PUS1: variants seen among roughly 807,000 people sequenced by gnomAD.
PUS1 encodes the protein pseudouridylate synthase 1 homolog.
Under a neutral mutation model 38.5 loss-of-function variants are expected in PUS1, and 25 were observed. The ratio of observed to expected loss-of-function variants is 0.65; its 90% CI spans 0.47 to 0.91. PUS1 has a LOEUF of 0.91. Ranked by LOEUF, PUS1 falls within the 40% of genes least tolerant of loss-of-function variation. The pLI is 0.00. For synonymous variants in PUS1, 282 were observed against 260.4 expected (o/e 1.08, Z -0.80); for missense variants, 597 against 612.3 (o/e 0.97, Z 0.26).
intron 4 of PUS1, 46 bp downstream of exon 4, chr12:131,939,321 C>T: frequency 1.7e-6 from 2 of 1,209,886 alleles, no homozygotes; most frequent in Non-Finnish European, 2.4e-6. Flanking sequence ...TGTAGATGGT[C>T]TTGCAGAGAC....
At chr12:131,932,138 G>A in intron 2 of PUS1, 37 bp from the exon 3 acceptor site, 3 of 1,603,820 alleles carry the variant, frequency 1.9e-6, no homozygotes, top group Non-Finnish European at 2.6e-6. Flanking sequence ...ACCTCTGTCT[G>A]CAAAATATAA....
intron 3 of PUS1, among the ~76,000 whole-genome samples, chr12:131,938,336 T>C (rs1032294557): frequency 6.6e-6 from 1 of 152,070 alleles, no homozygotes; most frequent in African/African-American, 2.4e-5. Context: ...TCTCAGCTAC[T>C]TGGGAGGCTG....
chr12:131,944,653 G>C lies in PUS1; in HGVS notation c.*1067G>C, dbSNP rs535945431. The C allele has an allele frequency of 3.9e-5, 6 of 152,706 alleles. No individual in the cohort carries two copies. The East Asian group carries it at 7.7e-4, about 20-fold the overall frequency. The allele number at this position is 152,706 out of a possible 1,614,324, so 9.5% of individuals were successfully genotyped here. On this transcript the variant is annotated 3_prime_UTR_variant, in exon 6 of 6. Transcript: ENST00000376649. Reference sequence around the variant, plus strand: ...TGGCAGCCACGGGCTCCTCTTCCTAGACAGCCCCATGCGTGCAGCCTTTGC... The same window carrying C: ...TGGCAGCCACGGGCTCCTCTTCCTACACAGCCCCATGCGTGCAGCCTTTGC...
chr12:131,937,104 C>T (rs1361657337), intron 3 of PUS1, among the ~76,000 whole-genome samples: 1 of 152,186 alleles, frequency 6.6e-6, no homozygotes, highest in Non-Finnish European at 1.5e-5. Context: ...TACCTAAAGT[C>T]ATCTTGTTTC....
In PUS1 at chr12:131,929,357, A is replaced by G. The variant is rs1890469567; in HGVS notation, c.-366A>G. 1 of 254,552 alleles carries G rather than the reference A, an allele frequency of 3.9e-6. No homozygotes were observed. 15.8% of individuals were successfully genotyped at this position (254,552 alleles called of 1,614,324 possible). On this transcript the variant is annotated 5_prime_UTR_variant, in exon 1 of 6. Coordinates refer to ENST00000376649, the MANE Select transcript of PUS1 (RefSeq NM_025215.6). ...GCCCGGGTCTCCTCGACTCCTGAGG[A>G]AAGCCCACCGGGCGGGGCGGGAGGT...
At chr12:131,930,565 C>T (rs935336854) in intron 2 of PUS1, among the ~76,000 whole-genome samples, 2 of 152,222 alleles carry the variant, frequency 1.3e-5, no homozygotes, top group Non-Finnish European at 2.9e-5. Flanking sequence ...TGAGGATTCT[C>T]TCCTCAGCCC....
intron 3 of PUS1, chr12:131,932,585 G>A: frequency 1.8e-6 from 1 of 560,214 alleles, no homozygotes; most frequent in Non-Finnish European, 3.2e-6. Context: ...CATTCTTGCA[G>A]GTGGCACAGT....
rs1890463608 is a variant in PUS1, at chr12:131,929,283, C to A, written c.-440C>A. 1.1e-5 allele frequency: 2 copies of A among 174,708 alleles called. 1 individual carries two copies. The highest frequency in any genetic ancestry group is 3.0e-4 in the East Asian group (2 of 6,614). The allele number at this position is 174,708 out of a possible 1,614,324, so 10.8% of individuals were successfully genotyped here. A position where few individuals can be genotyped will look rare whatever the true frequency, so the allele number is the denominator to read the frequency against. ...GTGGTCCGGCTCCGGCTCAGTCAGC[C>A]GCGTCGCGAATGGGGCAGGAGCGAG... On this transcript the variant is annotated 5_prime_UTR_variant, in exon 1 of 6. Transcript: ENST00000376649.
At chr12:131,940,399 T>C (rs10902482) in intron 4 of PUS1, among the ~76,000 whole-genome samples, 17,953 of 152,130 alleles carry the variant, frequency 0.12, 1,442 homozygotes, top group African/African-American at 0.21. Context: ...TTCTCATTGC[T>C]GCGGGGTGTT....
intron 3 of PUS1, chr12:131,935,071 C>G (rs953250266): frequency 6.7e-6 from 1 of 148,402 alleles, no homozygotes; most frequent in Non-Finnish European, 1.5e-5. Context: ...CAAGTTCACT[C>G]CTAGTGGGTG....
chr12:131,934,088 A>G (rs1323971761), intron 3 of PUS1, among the ~76,000 whole-genome samples: 1 of 152,230 alleles, frequency 6.6e-6, no homozygotes, highest in Non-Finnish European at 1.5e-5. Context: ...TATCAGAAAG[A>G]TCAAAGACTT....
In PUS1 at chr12:131,944,144, G is replaced by A; in HGVS notation, c.*558G>A. On this transcript the variant is annotated 3_prime_UTR_variant, in exon 6 of 6. Coordinates refer to ENST00000376649, the MANE Select transcript of PUS1 (RefSeq NM_025215.6). ...TTCAGCTGCTCAGGAGGCTGAGGTG[G>A]GAGGATTGCCTGAGTCTGGAGAAGT... 1 of 160,396 alleles carries A rather than the reference G, an allele frequency of 6.2e-6. No homozygotes were observed. Among genetic ancestry groups the A allele is most frequent in the African/African-American group, 2.4e-5 (1 of 41,592 alleles). The allele number at this position is 160,396 out of a possible 1,614,324, so 9.9% of individuals were successfully genotyped here. A position where few individuals can be genotyped will look rare whatever the true frequency, so the allele number is the denominator to read the frequency against.
intron 3 of PUS1, among the ~76,000 whole-genome samples, chr12:131,938,509 G>C (rs994361537): frequency 6.6e-6 from 1 of 152,132 alleles, no homozygotes; most frequent in Non-Finnish European, 1.5e-5. Context: ...TAAACAAACA[G>C]TAAAGTGTGC....
In PUS1 at chr12:131,941,610, G is replaced by C; in HGVS notation, c.863G>C (p.Ser288Thr). Residue 288 changes from serine to threonine, a missense_variant, in exon 5 of 6, where the codon AGC (serine) becomes ACC (threonine). Transcript: ENST00000376649. This position sits in a 1 kb window ranked among gnomAD's most constrained non-coding sequence, Gnocchi z 4.4. ...GCGGTGATCAGGGTGAAGGGCCAGA[G>C]CTTCATGATGCATCAGATCCGGAAG... ...EFAVIRVKGQ[S>T]FMMHQIRKMV... 1 of 1,614,240 alleles carries C rather than the reference G, an allele frequency of 6.2e-7. No homozygotes were observed. Among genetic ancestry groups the C allele is most frequent in the Non-Finnish European group, 8.5e-7 (1 of 1,180,040 alleles).
At chr12:131,937,430 A>C (rs1436599628) in intron 3 of PUS1, among the ~76,000 whole-genome samples, 1 of 152,134 alleles carries the variant, frequency 6.6e-6, no homozygotes, top group Non-Finnish European at 1.5e-5. Flanking sequence ...GTTGGAGTGC[A>C]ATTGCACGAT....
chr12:131,932,145 A>G, intron 2 of PUS1, 30 bp from the exon 3 acceptor site: 5 of 1,610,448 alleles, frequency 3.1e-6, no homozygotes, highest in Non-Finnish European at 4.2e-6. Context: ...TCTGCAAAAT[A>G]TAAAATCTGT....
intron 3 of PUS1, chr12:131,932,918 C>T: frequency 2.5e-6 from 1 of 397,082 alleles, no homozygotes; most frequent in Non-Finnish European, 5.0e-6. Flanking sequence ...TGAATTGACT[C>T]AGTTCCACAT....
In PUS1 at chr12:131,929,870, C is replaced by T. The variant is rs938569899; in HGVS notation, c.75-37C>T. On this transcript the variant is annotated intron_variant, in intron 1 of 5. Coordinates refer to ENST00000376649, the MANE Select transcript of PUS1 (RefSeq NM_025215.6). Reference sequence around the variant, plus strand: ...CCACCCCAGTCCACCCCGCGCGGTGCCGAGCGGGCCCCCGCTCACGCCGCC... The same window carrying T: ...CCACCCCAGTCCACCCCGCGCGGTGTCGAGCGGGCCCCCGCTCACGCCGCC... 15 of 811,626 alleles carry T rather than the reference C, an allele frequency of 1.8e-5. No homozygotes were observed. The African/African-American group carries it at 1.9e-4, about 10-fold the overall frequency. The allele number at this position is 811,626 out of a possible 1,614,324, so 50.3% of individuals were successfully genotyped here.
chr12:131,939,256 C>G lies in PUS1; in HGVS notation c.525C>G (p.Pro175=), dbSNP rs771513492. ...DILEKINSHL[P]SHIRILGLKR... ...TAGAAAAGATCAACAGCCACCTTCC[C>G]TCTCACATTCGGATTCTGGGTAAGC... Residue 175 remains proline, a synonymous_variant, in exon 4 of 6, where the codon CCC becomes CCG. Transcript: ENST00000376649. 1.3e-6 allele frequency: 2 copies of G among 1,556,740 alleles called. No individual in the cohort carries two copies. The highest frequency in any genetic ancestry group is 1.9e-5 in the Admixed American group (1 of 52,518).
Sources: allele counts gnomAD v4.1 joint callset (sites outside exome capture counted in the v4.1 genomes callset), GRCh38; gene constraint gnomAD v4.1.1; non-coding constraint Gnocchi (gnomAD v3.1); transcripts MANE v1.5; gene names NCBI Gene and HGNC (gene_info 2026-07-23, HGNC 2026-07-21).